The following ABCA13 variants were observed in gnomAD, a reference collection of about 807,000 sequenced individuals.
The protein encoded by ABCA13 is ATP-binding cassette sub-family A member 13.
Under a neutral mutation model 478.7 loss-of-function variants are expected in ABCA13, and 476 were observed. The ratio of observed to expected loss-of-function variants is 0.99; its 90% confidence interval spans 0.92 to 1.07. The LOEUF is 1.07. ABCA13 is among the 50% of genes least tolerant of loss of function. The pLI, the probability that ABCA13 is intolerant of heterozygous loss-of-function variation, is 0.00. For missense variants in ABCA13, 6,060 were observed against 5,910.6 expected, an observed-to-expected ratio of 1.03 and a Z score of -0.83; for synonymous variants, 2,252 against 2,158.9, an observed-to-expected ratio of 1.04 and a Z score of -1.20.
chr7:48,260,914 T>G (rs551808601), intron 15 of ABCA13, among the ~76,000 whole-genome samples: 56 of 151,960 alleles, frequency 3.7e-4, no homozygotes, highest in Non-Finnish European at 5.5e-4. Flanking sequence ...TACTCTTGTT[T>G]TAGAGAAGCA....
intron 55 of ABCA13, among the ~76,000 whole-genome samples, chr7:48,543,390 G>A (rs955228008): frequency 2.6e-5 from 4 of 151,734 alleles, no homozygotes; most frequent in Non-Finnish European, 5.9e-5. Context: ...TTGGGAGGCC[G>A]AGGCAGGCAG....
In ABCA13 at chr7:48,486,742, G is replaced by T. The variant is rs954028011; in HGVS notation, c.13183-2494G>T. Among the ~76,000 whole-genome samples the T allele has an allele frequency of 5.9e-5, 9 of 152,264 alleles. No homozygotes were observed. In the East Asian group the frequency reaches 1.2e-3, roughly 20 times the overall value. ...GTGAGGTTTTGCTAATGCAGACTGG[G>T]CTGGGCTGATCTTGGCCAGGAATGA... On this transcript the variant is annotated intron_variant, in intron 47 of 61. Coordinates refer to ENST00000435803, the MANE Select transcript of ABCA13 (RefSeq NM_152701.5).
chr7:48,558,954 G>A (rs976346600), intron 55 of ABCA13, among the ~76,000 whole-genome samples: 1 of 152,160 alleles, frequency 6.6e-6, no homozygotes, highest in Non-Finnish European at 1.5e-5. Flanking sequence ...CTGTCATAGT[G>A]GCAGCCTTTT....
At chr7:48,510,274 C>G (rs1017246465) in intron 50 of ABCA13, among the ~76,000 whole-genome samples, 7 of 152,300 alleles carry the variant, frequency 4.6e-5, no homozygotes, top group African/African-American at 1.4e-4. Flanking sequence ...TGAAACTTTA[C>G]CTGAGATCTG....
chr7:48,173,990 T>C (rs1309509843), intron 1 of ABCA13, among the ~76,000 whole-genome samples: 2 of 152,178 alleles, frequency 1.3e-5, no homozygotes, highest in East Asian at 3.8e-4. Flanking sequence ...AGAACAGAAC[T>C]CCAGGGGGAT....
rs192480892 is a variant in ABCA13 at position 48,581,810 on chromosome 7, G to A, written c.14505+1436G>A. ...GCAGACAGTATTGCTACTTGCTCTT[G>A]TTTCTAAGATGTCTGCACACTTTTG... On this transcript the variant is annotated intron_variant, in intron 56 of 61. Coordinates refer to ENST00000435803, the MANE Select transcript of ABCA13 (RefSeq NM_152701.5). Among the ~76,000 whole-genome samples the A allele has an allele frequency of 1.7e-3, 264 of 152,208 alleles. 1 individual carries two copies. Among genetic ancestry groups the A allele is most frequent in the African/African-American group, 6.2e-3 (257 of 41,522 alleles).
intron 46 of ABCA13, among the ~76,000 whole-genome samples, chr7:48,481,942 T>C (rs1304908674): frequency 6.6e-6 from 1 of 152,206 alleles, no homozygotes; most frequent in Admixed American, 6.5e-5. Context: ...GCCTGAATTT[T>C]TGCTGAGAGT....
chr7:48,301,312 G>C (rs1474510912), intron 23 of ABCA13, among the ~76,000 whole-genome samples: 4 of 152,068 alleles, frequency 2.6e-5, no homozygotes, highest in Non-Finnish European at 4.4e-5. Context: ...TCTCACTTGG[G>C]GCCGGTCCTG....
intron 45 of ABCA13, among the ~76,000 whole-genome samples, chr7:48,479,653 C>T (rs916154967): frequency 2.6e-5 from 4 of 152,196 alleles, no homozygotes; most frequent in African/African-American, 9.6e-5. Flanking sequence ...CATTGACCAA[C>T]ATCCTCTCTG....
At chr7:48,462,311 G>A (rs1349870007) in intron 43 of ABCA13, among the ~76,000 whole-genome samples, 3 of 152,122 alleles carry the variant, frequency 2.0e-5, no homozygotes, top group Non-Finnish European at 4.4e-5. Flanking sequence ...AGTGATATGA[G>A]GGGGATTATT....
chr7:48,232,693 A>G (rs1383606443), intron 7 of ABCA13, among the ~76,000 whole-genome samples: 1 of 152,184 alleles, frequency 6.6e-6, no homozygotes, highest in Non-Finnish European at 1.5e-5. Flanking sequence ...TCTGAATCCA[A>G]GTTGTCTTTC....
At chr7:48,355,546 G>T (rs1009618966) in intron 31 of ABCA13, among the ~76,000 whole-genome samples, 1 of 152,054 alleles carries the variant, frequency 6.6e-6, no homozygotes, top group African/African-American at 2.4e-5. Flanking sequence ...TGCTCACGCT[G>T]TTGGGTGGAA....
intron 27 of ABCA13, 41 bp from the exon 28 acceptor site, chr7:48,335,381 A>T: frequency 7.1e-7 from 1 of 1,416,282 alleles, no homozygotes. Flanking sequence ...TTAATATAAC[A>T]GCTGAATAAG....
Position 48,287,998 on chromosome 7 carries a change from C to CT in ABCA13, c.8876dup (p.Ser2960GlufsTer29). ...GACCAAGGACATTTTGTGTGCTACT[C>CT]TGAGTTGCAAGCAAAATGGGATAAG... On this transcript the variant is annotated frameshift_variant, in exon 20 of 62. Transcript: ENST00000435803. LOFTEE classifies it high-confidence loss of function. The CT allele has an allele frequency of 6.2e-7, 1 of 1,613,984 alleles. No homozygotes were observed. The highest frequency in any genetic ancestry group is 8.5e-7 in the Non-Finnish European group (1 of 1,179,886).
chr7:48,564,704 A>C (rs1786849685), intron 55 of ABCA13, among the ~76,000 whole-genome samples: 1 of 151,914 alleles, frequency 6.6e-6, no homozygotes, highest in Admixed American at 6.6e-5. Context: ...TAGATTAGAA[A>C]ATACGTTAGA....
chr7:48,281,207 C>T, intron 18 of ABCA13, 136 bp from the exon 19 acceptor site: 1 of 701,008 alleles, frequency 1.4e-6, no homozygotes, highest in Non-Finnish European at 2.4e-6. Flanking sequence ...TCTTATGTTC[C>T]TATGAAGAAA....
chr7:48,401,871 A>G (rs1252677669), intron 38 of ABCA13, among the ~76,000 whole-genome samples: 1 of 152,214 alleles, frequency 6.6e-6, no homozygotes, highest in African/African-American at 2.4e-5. Flanking sequence ...AAGTAAAAAT[A>G]CAGAGTGAAC....
intron 43 of ABCA13, among the ~76,000 whole-genome samples, chr7:48,464,254 G>A (rs1826623263): frequency 1.3e-5 from 2 of 152,174 alleles, no homozygotes; most frequent in South Asian, 4.1e-4. Context: ...TGGTGACAAA[G>A]ATACTTTTAA....
At chr7:48,178,209 TTAAA>T (rs1795144135) in intron 1 of ABCA13, among the ~76,000 whole-genome samples, 1 of 152,142 alleles carries the variant, frequency 6.6e-6, no homozygotes, top group South Asian at 2.1e-4. Flanking sequence ...GCACTAGTGA[TTAAA>T]TAGACAACCA....
Sources: allele counts gnomAD v4.1 joint callset (sites outside exome capture counted in the v4.1 genomes callset), GRCh38; gene constraint gnomAD v4.1.1; transcripts MANE v1.5; gene names NCBI Gene and HGNC (gene_info 2026-07-23, HGNC 2026-07-21).